Variants in ARHGAP6 observed in about 807,000 individuals in gnomAD.
The protein encoded by ARHGAP6 is rho GTPase-activating protein 6.
In ARHGAP6, 16 loss-of-function variants were observed where a neutral mutation model predicts 55.7. That is an observed-to-expected ratio of 0.29 (90% CI 0.19 to 0.44). The LOEUF is 0.44. Among genes scored for constraint, ARHGAP6 ranks in the 20% least tolerant of loss-of-function variants. The pLI, the probability that ARHGAP6 is intolerant of heterozygous loss-of-function variation, is 1.00. For missense variants in ARHGAP6, 698 were observed against 808.9 expected, an observed-to-expected ratio of 0.86 and a Z score of 1.66; for synonymous variants, 382 against 360.9, an observed-to-expected ratio of 1.06 and a Z score of -0.66.
At chrX:11,647,110 CTA>C (rs1372263272) in intron 1 of ARHGAP6, among the ~76,000 whole-genome samples, 1 of 112,061 alleles carries the variant, frequency 8.9e-6, no homozygotes, top group Non-Finnish European at 1.9e-5. Context: ...ACTTTGTTCT[CTA>C]GAGATGTTAA....
At chrX:11,363,701 C>G (rs1456260451) in intron 1 of ARHGAP6, among the ~76,000 whole-genome samples, 1 of 112,072 alleles carries the variant, frequency 8.9e-6, no homozygotes, top group Non-Finnish European at 1.9e-5. Context: ...ATCTTATAGA[C>G]AGAAGTCCAC....
chrX:11,647,912 T>C (rs1044579810), intron 1 of ARHGAP6, among the ~76,000 whole-genome samples: 8 of 111,897 alleles, frequency 7.1e-5, no homozygotes, highest in African/African-American at 2.6e-4. Flanking sequence ...TAAAGACAGA[T>C]TGGAGGAGAC....
At chrX:11,343,053 G>C (rs1159325340) in intron 1 of ARHGAP6, among the ~76,000 whole-genome samples, 2 of 112,216 alleles carry the variant, frequency 1.8e-5, no homozygotes, top group African/African-American at 6.5e-5. Context: ...ATTTTATAGA[G>C]AGGCAATACA....
chrX:11,170,184 T>C (rs2046070900), intron 8 of ARHGAP6, among the ~76,000 whole-genome samples: 1 of 111,934 alleles, frequency 8.9e-6, no homozygotes, highest in African/African-American at 3.3e-5. Flanking sequence ...GAAATAAACC[T>C]ATCACTTACA....
At chrX:11,461,489 C>T (rs1171170265) in intron 1 of ARHGAP6, among the ~76,000 whole-genome samples, 1 of 111,668 alleles carries the variant, frequency 9.0e-6, no homozygotes, top group Admixed American at 9.5e-5. Context: ...CTGTGTTTGT[C>T]ACTTCTATCC....
At chrX:11,494,916 C>T (rs2050607402) in intron 1 of ARHGAP6, among the ~76,000 whole-genome samples, 1 of 111,991 alleles carries the variant, frequency 8.9e-6, no homozygotes, top group Admixed American at 9.5e-5. Context: ...GAGCCAGTCA[C>T]TTTTGTTTGA....
chrX:11,619,551 A>C (rs2052204085), intron 1 of ARHGAP6, among the ~76,000 whole-genome samples: 1 of 112,409 alleles, frequency 8.9e-6, no homozygotes, highest in Non-Finnish European at 1.9e-5. Context: ...TGGTTAATTC[A>C]GGGTTTAGGT....
rs1463017098 is a variant in ARHGAP6, at chrX:11,164,195, G to GAGAT, written c.1809+5306_1809+5309dup. ...TTCCCCACAAATGGACTCCATATCT[G>GAGAT]AGATACCACATCAAAATGCCTCTTC... is the stretch of plus-strand genomic sequence containing the variant. On this transcript the variant is annotated intron_variant, in intron 9 of 12. Transcript: ENST00000337414. Among the ~76,000 whole-genome samples the GAGAT allele has an allele frequency of 2.7e-5, 3 of 112,369 alleles. No homozygotes were observed. In the Admixed American group the frequency reaches 2.8e-4, roughly 11 times the overall value.
intron 1 of ARHGAP6, among the ~76,000 whole-genome samples, chrX:11,419,958 AT>A (rs974476168): frequency 9.9e-5 from 11 of 111,419 alleles, no homozygotes; most frequent in Admixed American, 5.7e-4. Flanking sequence ...TTACTATAAG[AT>A]TTTTTTTTAT....
At chrX:11,341,232 C>T (rs2048702416) in intron 1 of ARHGAP6, among the ~76,000 whole-genome samples, 1 of 111,412 alleles carries the variant, frequency 9.0e-6, no homozygotes, top group African/African-American at 3.3e-5. Context: ...TTCCAAAACC[C>T]ATGTCAACCC....
chrX:11,606,941 G>A (rs199926088), intron 1 of ARHGAP6, among the ~76,000 whole-genome samples: 13 of 111,572 alleles, frequency 1.2e-4, no homozygotes, highest in East Asian at 8.5e-4. Flanking sequence ...CTCTCAAGTC[G>A]GTTTCTTATT....
At chrX:11,524,648 C>G (rs1218240059) in intron 1 of ARHGAP6, among the ~76,000 whole-genome samples, 1 of 111,522 alleles carries the variant, frequency 9.0e-6, no homozygotes, top group Admixed American at 9.6e-5. Flanking sequence ...ACTATAGCAG[C>G]AGTCCCCAAC....
At chrX:11,478,101 T>C (rs759665299) in intron 1 of ARHGAP6, among the ~76,000 whole-genome samples, 1 of 111,972 alleles carries the variant, frequency 8.9e-6, no homozygotes, top group East Asian at 2.8e-4. Context: ...ATATAAATAA[T>C]TAGAACTCCT....
chrX:11,338,485 T>C (rs1355497169), intron 1 of ARHGAP6, among the ~76,000 whole-genome samples: 2 of 111,947 alleles, frequency 1.8e-5, no homozygotes, highest in Admixed American at 1.9e-4. Context: ...AATCTTTTAA[T>C]GTATTACTAC....
chrX:11,144,341 G>A (rs1213830250), intron 10 of ARHGAP6, 93 bp from the exon 11 acceptor site: 2 of 1,115,117 alleles, frequency 1.8e-6, no homozygotes, highest in Non-Finnish European at 2.4e-6. Context: ...GACTGGAGGA[G>A]TATGCGTGGA....
intron 1 of ARHGAP6, among the ~76,000 whole-genome samples, chrX:11,450,032 C>A (rs939188668): frequency 9.0e-6 from 1 of 111,343 alleles, no homozygotes; most frequent in African/African-American, 3.3e-5. Flanking sequence ...CATGGACACT[C>A]ACAGTTGTCA....
At chrX:11,611,611 G>GA (rs1198458137) in intron 1 of ARHGAP6, among the ~76,000 whole-genome samples, 1 of 111,030 alleles carries the variant, frequency 9.0e-6, no homozygotes, top group Non-Finnish European at 1.9e-5. Flanking sequence ...CTGCAGCTGA[G>GA]AAAAAAAATC....
At chrX:11,646,409 G>C (rs1362271685) in intron 1 of ARHGAP6, among the ~76,000 whole-genome samples, 1 of 111,795 alleles carries the variant, frequency 8.9e-6, no homozygotes, top group African/African-American at 3.2e-5. Context: ...CCTAGAACAG[G>C]AGACAAGTCT....
chrX:11,181,024 G>A (rs1268094114), intron 6 of ARHGAP6, among the ~76,000 whole-genome samples: 5 of 112,307 alleles, frequency 4.5e-5, no homozygotes, highest in South Asian at 3.7e-4. Context: ...GGTCAAAGGG[G>A]CTACACTCAC....
Sources: allele counts gnomAD v4.1 joint callset (sites outside exome capture counted in the v4.1 genomes callset), GRCh38; gene constraint gnomAD v4.1.1; transcripts MANE v1.5; gene names NCBI Gene and HGNC (gene_info 2026-07-23, HGNC 2026-07-21).